Variants in ARSG observed in about 807,000 individuals in gnomAD.
The protein encoded by ARSG is ASG.
Under a neutral mutation model 50.5 loss-of-function variants are expected in ARSG, and 37 were observed. The ratio of observed to expected loss-of-function variants is 0.73; its 90% CI spans 0.56 to 0.96. The LOEUF (loss-of-function observed/expected upper bound fraction) is 0.96, where lower values mean the gene tolerates loss of function less well. Ranked by LOEUF, ARSG falls within the 50% of genes least tolerant of loss-of-function variation. The pLI, the probability that ARSG is intolerant of heterozygous loss-of-function variation, is 0.00. For missense variants in ARSG, 629 were observed against 675.3 expected (o/e 0.93, Z 0.76); for synonymous variants, 225 against 254.6 (o/e 0.88, Z 1.11).
At position 68,281,844 on chromosome 17, in the gene ARSG, A is replaced by G. The variant is rs147650409; in HGVS notation, c.-552+22418A>G. 4.6e-5 allele frequency among the ~76,000 whole-genome samples: 7 copies of G among 152,288 alleles called. No homozygotes were observed. The East Asian group carries it at 1.2e-3, about 25-fold the overall frequency. The stretch of plus-strand genomic sequence containing the variant: ...GTAAACTAGTACGGCCAATAAGGAG[A>G]ACAGTATGGAGCTTCCTCAAAAAAC... On this transcript the variant is annotated intron_variant, in intron 1 of 11. Transcript: ENST00000448504.
intron 2 of ARSG, among the ~76,000 whole-genome samples, chr17:68,327,025 G>A (rs375485145): frequency 1.3e-5 from 2 of 152,186 alleles, no homozygotes; most frequent in Admixed American, 6.5e-5. Flanking sequence ...ACAGTTTCAC[G>A]TGCTTCCGAA....
At chr17:68,434,839 T>C in the ARSG span, among the ~76,000 whole-genome samples, 9 of 152,234 alleles carry the variant, frequency 5.9e-5, no homozygotes, top group African/African-American at 2.2e-4. Context: ...CCCTTCCACC[T>C]GTGCCCAAGG....
intron 1 of ARSG, among the ~76,000 whole-genome samples, chr17:68,284,832 CTT>C (rs2075805202): frequency 6.6e-6 from 1 of 152,154 alleles, no homozygotes; most frequent in South Asian, 2.1e-4. Context: ...TGAGTATGCT[CTT>C]TGCAGCAAAG....
chr17:68,371,177 G>A (rs998763052), intron 8 of ARSG, among the ~76,000 whole-genome samples: 4 of 151,968 alleles, frequency 2.6e-5, no homozygotes, highest in East Asian at 1.9e-4. Context: ...AAAATTAGCC[G>A]GGCGTGGTGG....
intron 2 of ARSG, among the ~76,000 whole-genome samples, chr17:68,340,893 A>T (rs1049242166): frequency 2.0e-5 from 3 of 152,082 alleles, no homozygotes; most frequent in Non-Finnish European, 2.9e-5. Context: ...GTTCATAATG[A>T]CTTCTATATT....
intron 11 of ARSG, among the ~76,000 whole-genome samples, chr17:68,406,458 T>C (rs1018308862): frequency 2.0e-5 from 3 of 152,138 alleles, no homozygotes; most frequent in Non-Finnish European, 4.4e-5. Flanking sequence ...CTTTAAGGAA[T>C]CTGTTTTCCA....
intron 8 of ARSG, among the ~76,000 whole-genome samples, chr17:68,382,994 C>A (rs1193932036): frequency 6.6e-6 from 1 of 152,176 alleles, no homozygotes; most frequent in Non-Finnish European, 1.5e-5. Flanking sequence ...TCTCCTAATT[C>A]CTGAATCTTT....
chr17:68,267,615 A>G (rs1047518), intron 1 of ARSG: 8 of 152,228 alleles, frequency 5.3e-5, no homozygotes, highest in Non-Finnish European at 1.2e-4. Flanking sequence ...ATGGAGCAGC[A>G]AGCATTGACC....
the ARSG span, among the ~76,000 whole-genome samples, chr17:68,437,003 A>ATATATATATATATAT: frequency 6.6e-5 from 4 of 60,332 alleles, no homozygotes; most frequent in Admixed American, 1.9e-4. Context: ...CAAAAAAAAA[A>ATATATATATATATAT]AAATATATAT....
chr17:68,349,836 C>G (rs375633899), intron 4 of ARSG, among the ~76,000 whole-genome samples: 123 of 152,206 alleles, frequency 8.1e-4, no homozygotes, highest in African/African-American at 2.9e-3. Flanking sequence ...GAGCTGAGAT[C>G]GTGCCACTGC....
intron 2 of ARSG, among the ~76,000 whole-genome samples, chr17:68,323,260 GT>G (rs1240234221): frequency 1.3e-5 from 2 of 152,084 alleles, no homozygotes; most frequent in Non-Finnish European, 2.9e-5. Context: ...GTAAAATGAA[GT>G]TCAGATAGTT....
chr17:68,324,646 A>G (rs1287782093), intron 2 of ARSG, among the ~76,000 whole-genome samples: 1 of 152,176 alleles, frequency 6.6e-6, no homozygotes, highest in Non-Finnish European at 1.5e-5. Flanking sequence ...CATACCAGCT[A>G]TGTAGTCTTG....
upstream of ARSG, among the ~76,000 whole-genome samples, chr17:68,287,151 T>C (rs552303058): frequency 3.9e-5 from 6 of 152,226 alleles, no homozygotes; most frequent in African/African-American, 1.4e-4. Flanking sequence ...GCCCGGCTAA[T>C]TTTGTTTTAG....
chr17:68,366,609 T>C (rs893382338), intron 6 of ARSG, among the ~76,000 whole-genome samples: 1 of 152,160 alleles, frequency 6.6e-6, no homozygotes, highest in African/African-American at 2.4e-5. Flanking sequence ...CTATCTGCAC[T>C]GTCCAAGCTG....
the ARSG span, among the ~76,000 whole-genome samples, chr17:68,444,019 C>T: frequency 6.6e-6 from 1 of 152,258 alleles, no homozygotes; most frequent in Admixed American, 6.5e-5. Flanking sequence ...CCTAGCATAT[C>T]GTCGAAGTAG....
chr17:68,287,745 A>G (rs981909713), upstream of ARSG, among the ~76,000 whole-genome samples: 12 of 152,160 alleles, frequency 7.9e-5, no homozygotes, highest in African/African-American at 2.9e-4. Context: ...AGCTTTGAAG[A>G]TAAGACCACA....
Position 68,343,490 on chromosome 17 carries a change from G to A in ARSG, c.219-114G>A, listed in dbSNP as rs946786885. On this transcript the variant is annotated intron_variant, in intron 2 of 11. Coordinates refer to ENST00000621439, the MANE Select transcript of ARSG (RefSeq NM_001267727.2). ...CATTTCCTGACTTGTTCCATGACTG[G>A]GTGATCTTTGATCTTTGAGCACTGA... 1.6e-5 allele frequency: 17 copies of A among 1,070,986 alleles called. No homozygotes were observed. In the African/African-American group the frequency reaches 2.5e-4, roughly 16 times the overall value. The allele number at this position is 1,070,986 out of a possible 1,614,324, so 66.3% of individuals were successfully genotyped here.
chr17:68,323,180 T>C (rs1395286838), intron 2 of ARSG, among the ~76,000 whole-genome samples: 1 of 152,136 alleles, frequency 6.6e-6, no homozygotes, highest in Non-Finnish European at 1.5e-5. Context: ...CAGTGTGACT[T>C]ATAAATTCTC....
At chr17:68,273,977 G>C (rs1555750023) in intron 1 of ARSG, 1 of 1,614,164 alleles carries the variant, frequency 6.2e-7, no homozygotes, top group South Asian at 1.1e-5. Context: ...TTGTGAGAAG[G>C]AGGCGGCCAC....
Sources: gnomAD v4.1 joint callset for allele counts (sites outside exome capture counted in the v4.1 genomes callset) on GRCh38, gnomAD v4.1.1 for gene constraint, MANE v1.5 for transcripts, NCBI Gene and HGNC (gene_info 2026-07-23, HGNC 2026-07-21) for gene names.